The following TOE1 variants were observed in gnomAD, a reference collection of about 807,000 sequenced individuals.
TOE1 encodes the protein target of EGR1 protein 1.
Under a neutral mutation model 49.2 loss-of-function variants are expected in TOE1, and 50 were observed. That is an observed-to-expected ratio of 1.02 (90% CI 0.81 to 1.29). The LOEUF (loss-of-function observed/expected upper bound fraction) is 1.29, where lower values mean the gene tolerates loss of function less well. Ranked by LOEUF, TOE1 falls within the 50% of genes most tolerant of loss-of-function variation. The pLI is 0.00. For missense variants in TOE1, 544 were observed against 654.4 expected, an observed-to-expected ratio of 0.83 and a Z score of 1.84; for synonymous variants, 221 against 247.0, an observed-to-expected ratio of 0.89 and a Z score of 0.99.
Position 45,343,538 on chromosome 1 carries a change from A to G in TOE1, c.1369A>G (p.Ser457Gly). 6.2e-7 allele frequency: 1 copy of G among 1,613,926 alleles called. No individual in the cohort carries two copies. The highest frequency in any genetic ancestry group is 8.5e-7 in the Non-Finnish European group (1 of 1,179,918). ...TGYVMAYVEVSQGPQPCSSGP... is the reference protein window; with the variant it reads ...TGYVMAYVEVGQGPQPCSSGP... ...TTATGTGATGGCCTATGTGGAAGTG[A>G]GCCAGGGACCGCAGCCCTGCAGCTC... The change falls in exon 8 of 8, where the codon AGC becomes GGC. Residue 457 changes from serine to glycine, a missense_variant. Physicochemically the swap from Ser to Gly is moderately conservative, Grantham distance 56 (BLOSUM62 0). Transcript: ENST00000372090. The surrounding 1 kb of genome is among the most constrained non-coding windows in gnomAD (Gnocchi z 4.3).
Position 45,343,310 on chromosome 1 carries a change from G to C in TOE1, c.1141G>C (p.Glu381Gln), listed in dbSNP as rs61323219. ...CGDSIKPEET[E>Q]QEVAADETRN... ...GGATAGCATCAAGCCTGAAGAAACC[G>C]AGCAGGAGGTGGCTGCCGATGAAAC... is the stretch of plus-strand genomic sequence containing the variant. Residue 381 changes from glutamate to glutamine, a missense_variant, in exon 8 of 8, where the codon GAG becomes CAG. Physicochemically the swap from Glu to Gln is conservative, Grantham distance 29. Transcript: ENST00000372090. This position sits in a 1 kb window ranked among gnomAD's most constrained non-coding sequence, Gnocchi z 4.3. 2 of 1,613,944 alleles carry C rather than the reference G, an allele frequency of 1.2e-6. No homozygotes were observed. Among genetic ancestry groups the C allele is most frequent in the East Asian group, 2.2e-5 (1 of 44,846 alleles).
chr1:45,341,854 G>C, intron 4 of TOE1, 95 bp from the exon 5 acceptor site: 1 of 1,339,038 alleles, frequency 7.5e-7, no homozygotes, highest in Non-Finnish European at 1.0e-6. Flanking sequence ...TTTCCCCCCT[G>C]AGTCCCCAGA....
chr1:45,342,098 C>A lies in TOE1; in HGVS notation c.483C>A (p.Gly161=). The change falls in exon 5 of 8, where the codon GGC becomes GGA. Residue 161 remains glycine (G), a synonymous_variant. Coordinates refer to ENST00000372090, the MANE Select transcript of TOE1 (RefSeq NM_025077.4). ...QYAQGIPYHK[G]NDKGDESQSQ... ...CCCAAGGCATCCCCTACCATAAGGG[C>A]AATGACAAGGTAGGCCTCTAGCCTC... 1 of 1,613,860 alleles carries A rather than the reference C, an allele frequency of 6.2e-7. No individual in the cohort carries two copies. Among genetic ancestry groups the A allele is most frequent in the Non-Finnish European group, 8.5e-7 (1 of 1,179,836 alleles).
chr1:45,341,713 T>C (rs1646996029), intron 4 of TOE1, 144 bp downstream of exon 4: 1 of 858,770 alleles, frequency 1.2e-6, no homozygotes, highest in Non-Finnish European at 1.8e-6. Flanking sequence ...TGAATAGGTT[T>C]ATGGGGAACA....
At chr1:45,342,256 G>A in intron 5 of TOE1, 128 bp from the exon 6 acceptor site, 1 of 1,501,422 alleles carries the variant, frequency 6.7e-7, no homozygotes, top group Non-Finnish European at 9.1e-7. Context: ...CTGGTATGAG[G>A]AGGGTGGGCA....
chr1:45,340,204 G>A lies in TOE1; in HGVS notation c.-49G>A, dbSNP rs2149248374. ...CCTGAACCGCGCCAGGAGACGGACC[G>A]CAAGTCCAGCGTACCCACAGACGAC... is the stretch of plus-strand genomic sequence containing the variant. On this transcript the variant is annotated 5_prime_UTR_variant, in exon 1 of 8. Coordinates refer to ENST00000372090, the MANE Select transcript of TOE1 (RefSeq NM_025077.4). 6.2e-7 allele frequency: 1 copy of A among 1,613,586 alleles called. No homozygotes were observed. The highest frequency in any genetic ancestry group is 8.5e-7 in the Non-Finnish European group (1 of 1,179,940).
Position 45,341,076 on chromosome 1 carries a change from G to C in TOE1, c.56G>C (p.Gly19Ala). 1 of 1,614,174 alleles carries C rather than the reference G, an allele frequency of 6.2e-7. No individual in the cohort carries two copies. Residue 19 changes from glycine to alanine, a missense_variant, in exon 2 of 8, where the codon GGT (glycine) becomes GCT (alanine). Physicochemically the swap from Gly to Ala is moderately conservative, Grantham distance 60. Transcript: ENST00000372090. Reference sequence around the variant, plus strand: ...CCATCACCCTCCTAACCCCCAGGTGGTGTCAGCAAAAGCACAACATCTGGG... The same window carrying C: ...CCATCACCCTCCTAACCCCCAGGTGCTGTCAGCAAAAGCACAACATCTGGG... Reference protein sequence around the residue: ...AVSAPAASDGGVSKSTTSGEE... With the variant: ...AVSAPAASDGAVSKSTTSGEE...
rs372468777 is a variant in TOE1 at position 45,340,867 on chromosome 1, G to T, written c.53-206G>T. Among the ~76,000 whole-genome samples the T allele has an allele frequency of 9.5e-4, 144 of 152,330 alleles. 4 individuals carry two copies. The South Asian group carries it at 0.029, about 30-fold the overall frequency. On this transcript the variant is annotated intron_variant, in intron 1 of 7. Transcript: ENST00000372090. ...AATTTACCCAGGCTCATACAAGCCAGTAGAAGACTCAGGCTTCCTCTCCCC... is the reference window on the plus strand; with the variant it reads ...AATTTACCCAGGCTCATACAAGCCATTAGAAGACTCAGGCTTCCTCTCCCC...
At chr1:45,340,506 G>A (rs1009469331) in intron 1 of TOE1, 96 of 1,436,214 alleles carry the variant, frequency 6.7e-5, no homozygotes, top group Admixed American at 3.0e-4. Flanking sequence ...GGGGCTGATG[G>A]AGGCATGGCG....
chr1:45,341,266 A>G (rs371777951), intron 2 of TOE1, 37 bp from the exon 3 acceptor site: 2 of 1,614,074 alleles, frequency 1.2e-6, no homozygotes, highest in African/African-American at 2.7e-5. Flanking sequence ...GGCTGGTGCT[A>G]GAGGCCTGTC....
chr1:45,342,790 G>C, intron 6 of TOE1, 53 bp from the exon 7 acceptor site: 1 of 1,611,322 alleles, frequency 6.2e-7, no homozygotes, highest in Non-Finnish European at 8.5e-7. Context: ...ACAAAACCCT[G>C]CTCTTATGGA....
At chr1:45,340,410 C>T in intron 1 of TOE1, 106 bp downstream of exon 1, 1 of 1,537,000 alleles carries the variant, frequency 6.5e-7, no homozygotes, top group Non-Finnish European at 8.8e-7. Flanking sequence ...AGGACTGCTC[C>T]TTCCGCCTGA....
chr1:45,340,949 G>A (rs951336140), intron 1 of TOE1, 124 bp from the exon 2 acceptor site: 1 of 1,396,964 alleles, frequency 7.2e-7, no homozygotes, highest in Non-Finnish European at 9.9e-7. Flanking sequence ...GGTTACAAAG[G>A]CTTGTGGGAA....
At chr1:45,341,643 A>T in intron 4 of TOE1, 74 bp downstream of exon 4, 1 of 1,324,844 alleles carries the variant, frequency 7.5e-7, no homozygotes, top group South Asian at 1.3e-5. Context: ...GGAACATCAG[A>T]TAGGAAGCAT....
intron 6 of TOE1, 78 bp from the exon 7 acceptor site, chr1:45,342,765 T>C: frequency 6.2e-7 from 1 of 1,604,044 alleles, no homozygotes; most frequent in South Asian, 1.1e-5. Context: ...GATTCAGCAG[T>C]GAACAAAACA....
rs1262701120 is a variant in TOE1 at position 45,343,184 on chromosome 1, C to T, written c.1015C>T (p.Arg339Ter). The T allele has an allele frequency of 3.7e-6, 6 of 1,613,632 alleles. No homozygotes were observed. The highest frequency in any genetic ancestry group is 1.3e-5 in the African/African-American group (1 of 74,760). ...EAAAEDKRRR[R>*]RRREKRKRAL... ...TGCGGCAGAGGACAAGCGGCGACGG[C>T]GACGACGTAGGGAAAAACGGAAGAG... The change falls in exon 8 of 8, where the codon CGA becomes TGA. Residue 339 changes from arginine to a stop codon, truncating the protein, a stop_gained. Coordinates refer to ENST00000372090, the MANE Select transcript of TOE1 (RefSeq NM_025077.4). LOFTEE classifies it high-confidence loss of function. The surrounding 1 kb of genome is among the most constrained non-coding windows in gnomAD (Gnocchi z 4.3).
rs1393167436 is a variant in TOE1 at position 45,342,624 on chromosome 1, G to T, written c.733G>T (p.Glu245Ter). 1.1e-5 allele frequency: 18 copies of T among 1,613,906 alleles called. No homozygotes were observed. Among genetic ancestry groups the T allele is most frequent in the Non-Finnish European group, 1.4e-5 (17 of 1,179,880 alleles). ...TGCCCGTTTCGTGGCCTCCTACTTA[G>T]AATATGCCTTCCGGAAATGGTGAGG... ...FHARFVASYL[E>*]YAFRKCEREN... Residue 245 changes from glutamate (E) to a stop codon, truncating the protein, a stop_gained, in exon 6 of 8, where the codon GAA (glutamate) becomes TAA (stop). Coordinates refer to ENST00000372090, the MANE Select transcript of TOE1 (RefSeq NM_025077.4). LOFTEE classifies it high-confidence loss of function.
intron 4 of TOE1, 115 bp from the exon 5 acceptor site, chr1:45,341,834 G>C: frequency 8.7e-7 from 1 of 1,145,274 alleles, no homozygotes; most frequent in East Asian, 2.4e-5. Flanking sequence ...TCCCTCACCT[G>C]CCTCCATCCT....
Position 45,343,377 on chromosome 1 carries a change from T to TA in TOE1, c.1209dup (p.Glu404ArgfsTer5). ...TCCAAGCAAGGCAACAAAAATGACT[T>TA]AGAGATGGGGATTAAGGCAGCAAGG... On this transcript the variant is annotated frameshift_variant, in exon 8 of 8. Coordinates refer to ENST00000372090, the MANE Select transcript of TOE1 (RefSeq NM_025077.4). LOFTEE classifies it high-confidence loss of function. The surrounding 1 kb of genome is among the most constrained non-coding windows in gnomAD (Gnocchi z 4.3). 6.2e-7 allele frequency: 1 copy of TA among 1,613,386 alleles called. No homozygotes were observed. Among genetic ancestry groups the TA allele is most frequent in the South Asian group, 1.1e-5 (1 of 91,036 alleles).
Sources: gnomAD v4.1 joint callset for allele counts (sites outside exome capture counted in the v4.1 genomes callset) on GRCh38, gnomAD v4.1.1 for gene constraint, Gnocchi (gnomAD v3.1) non-coding constraint, MANE v1.5 for transcripts, NCBI Gene and HGNC (gene_info 2026-07-23, HGNC 2026-07-21) for gene names.